Variants in CDKL5 observed in about 807,000 individuals in gnomAD.
CDKL5 encodes cyclin dependent kinase like 5, also known as cyclin-dependent kinase-like 5.
A neutral mutation model predicts 61.7 loss-of-function variants in CDKL5; 8 were observed. The observed-to-expected ratio is 0.13, with a 90% CI of 0.08 to 0.23. CDKL5 has a LOEUF of 0.23. Among genes scored for constraint, CDKL5 ranks in the 10% least tolerant of loss-of-function variants. The probability of loss-of-function intolerance (pLI) is 1.00; values close to 1 mark genes in which losing one functional copy is unlikely to be tolerated. For missense variants in CDKL5, 440 were observed against 734.5 expected, an observed-to-expected ratio of 0.60 and a Z score of 4.63; for synonymous variants, 275 against 272.3, an observed-to-expected ratio of 1.01 and a Z score of -0.10.
chrX:18,546,168 C>T (rs1436348134), intron 3 of CDKL5, among the ~76,000 whole-genome samples: 3 of 110,816 alleles, frequency 2.7e-5, no homozygotes, highest in Admixed American at 1.9e-4. Context: ...ACAGGTTATC[C>T]GTTTGAAAAC....
At chrX:18,597,001 T>C (rs1926016615) in intron 10 of CDKL5, among the ~76,000 whole-genome samples, 2 of 111,598 alleles carry the variant, frequency 1.8e-5, no homozygotes, top group African/African-American at 6.5e-5. Context: ...GCGCAAATTG[T>C]ATCTATATGT....
At chrX:18,589,229 T>C (rs1350194252) in intron 9 of CDKL5, 1 of 110,701 alleles carries the variant, frequency 9.0e-6, no homozygotes, top group African/African-American at 3.3e-5. Flanking sequence ...GCCATGTTGG[T>C]GTGCTGCACC....
chrX:18,608,042 A>G (rs888778456), intron 12 of CDKL5, among the ~76,000 whole-genome samples: 4 of 111,966 alleles, frequency 3.6e-5, no homozygotes, highest in African/African-American at 6.5e-5. Flanking sequence ...CCTTCTAATG[A>G]CTTGGTAATT....
chrX:18,593,574 C>T (rs1038051716), intron 9 of CDKL5, among the ~76,000 whole-genome samples: 2 of 111,367 alleles, frequency 1.8e-5, no homozygotes, highest in Non-Finnish European at 3.8e-5. Context: ...AGGAGAGGCA[C>T]CTAGGTTTAG....
At chrX:18,491,095 G>C (rs746104241) in intron 1 of CDKL5, among the ~76,000 whole-genome samples, 2 of 111,910 alleles carry the variant, frequency 1.8e-5, no homozygotes, top group Non-Finnish European at 3.8e-5. Context: ...GAAATATGCT[G>C]AAAGATAATC....
chrX:18,598,288 T>C (rs1388113879), intron 10 of CDKL5, among the ~76,000 whole-genome samples, 174 bp from the exon 11 acceptor site: 2 of 110,978 alleles, frequency 1.8e-5, no homozygotes. Flanking sequence ...AGGAAAATGA[T>C]GATGAGATTA....
Position 18,613,136 on chromosome X carries a change from C to T in CDKL5, c.2153-16C>T, listed in dbSNP as rs779913276. The stretch of plus-strand genomic sequence containing the variant: ...AAAAGAAAAGTCCATCAGTGACTTA[C>T]TTTTTCTTTATTCAGTGCCATCTCC... On this transcript the variant is annotated splice_polypyrimidine_tract_variant and intron_variant, in intron 14 of 17. Coordinates refer to ENST00000623535, the MANE Select transcript of CDKL5 (RefSeq NM_001323289.2). 1 of 738,032 alleles carries T rather than the reference C, an allele frequency of 1.4e-6. No homozygotes were observed. Among genetic ancestry groups the T allele is most frequent in the Non-Finnish European group, 2.0e-6 (1 of 500,694 alleles). 60.8% of individuals were successfully genotyped at this position (738,032 alleles called of 1,213,427 possible).
intron 1 of CDKL5, among the ~76,000 whole-genome samples, chrX:18,459,698 CTTTT>C (rs756249968): frequency 8.8e-4 from 47 of 53,556 alleles, no homozygotes; most frequent in African/African-American, 3.4e-3. Flanking sequence ...AGCTTTCTTT[CTTTT>C]TTTTTTTTTT....
Position 18,629,550 on chromosome X carries a change from A to G in CDKL5, c.*793A>G. ...TCTGCCATATTTTTATACATTTGTG[A>G]TATGAAGTGAGTATTATACTTCTAC... On this transcript the variant is annotated 3_prime_UTR_variant, in exon 18 of 18. Coordinates refer to ENST00000623535, the MANE Select transcript of CDKL5 (RefSeq NM_001323289.2). 1.4e-6 allele frequency: 1 copy of G among 724,064 alleles called. No homozygotes were observed. Among genetic ancestry groups the G allele is most frequent in the Non-Finnish European group, 1.6e-6 (1 of 612,016 alleles). 59.7% of individuals were successfully genotyped at this position (724,064 alleles called of 1,213,427 possible).
intron 11 of CDKL5, among the ~76,000 whole-genome samples, chrX:18,602,058 TGCAGGGAAGGA>T (rs1926195990): frequency 9.0e-6 from 1 of 111,489 alleles, no homozygotes; most frequent in Non-Finnish European, 1.9e-5. Context: ...TGCAGATGCC[TGCAGGGAAGGA>T]GCAGGGAAGA....
intron 1 of CDKL5, among the ~76,000 whole-genome samples, chrX:18,440,992 TAGAGGA>T (rs1931728420): frequency 9.0e-6 from 1 of 111,329 alleles, no homozygotes; most frequent in Non-Finnish European, 1.9e-5. Flanking sequence ...CCTTTTATGT[TAGAGGA>T]AGAGGGAAGA....
At chrX:18,483,811 A>T (rs1232999151) in intron 1 of CDKL5, among the ~76,000 whole-genome samples, 2 of 112,054 alleles carry the variant, frequency 1.8e-5, no homozygotes, top group African/African-American at 3.2e-5. Context: ...GTTAAAAAAA[A>T]TTTTTATGTT....
chrX:18,642,234 C>G (rs376670591), downstream of CDKL5: 116 of 1,068,071 alleles, frequency 1.1e-4, no homozygotes, highest in South Asian at 2.0e-3. Context: ...GGAGCTAGCC[C>G]CAACTTTTAA....
chrX:18,571,018 A>G (rs769498097), intron 4 of CDKL5, among the ~76,000 whole-genome samples: 1 of 111,596 alleles, frequency 9.0e-6, no homozygotes, highest in African/African-American at 3.3e-5. Flanking sequence ...GTAACTGATG[A>G]CAAGATGGGT....
intron 1 of CDKL5, 33 bp from the exon 2 acceptor site, chrX:18,506,902 C>A: frequency 2.4e-6 from 1 of 422,274 alleles, no homozygotes; most frequent in Non-Finnish European, 4.1e-6. Flanking sequence ...AAATATAAAA[C>A]TTACAGCTTT....
chrX:18,487,942 G>A (rs924838927), intron 1 of CDKL5, among the ~76,000 whole-genome samples: 1 of 111,084 alleles, frequency 9.0e-6, no homozygotes, highest in South Asian at 3.8e-4. Flanking sequence ...TCACTTCCTA[G>A]CTAGACCAAT....
chrX:18,472,955 ATT>A (rs747799624), intron 1 of CDKL5, among the ~76,000 whole-genome samples: 17 of 92,803 alleles, frequency 1.8e-4, no homozygotes, highest in Admixed American at 2.4e-4. Context: ...ATCTCTTCTA[ATT>A]TTTTTTTTTT....
intron 2 of CDKL5, among the ~76,000 whole-genome samples, chrX:18,510,612 G>C (rs1414179196): frequency 1.8e-5 from 2 of 112,369 alleles, no homozygotes; most frequent in Non-Finnish European, 1.9e-5. Flanking sequence ...AAAAATACTT[G>C]TTGGAAGAAA....
intron 3 of CDKL5, among the ~76,000 whole-genome samples, chrX:18,528,880 C>G (rs966766853): frequency 9.0e-6 from 1 of 111,312 alleles, no homozygotes; most frequent in Non-Finnish European, 1.9e-5. Flanking sequence ...AAGTGATCCT[C>G]CCACCTCAGC....
Sources: gnomAD v4.1 joint callset for allele counts (sites outside exome capture counted in the v4.1 genomes callset) on GRCh38, gnomAD v4.1.1 for gene constraint, MANE v1.5 for transcripts, NCBI Gene and HGNC (gene_info 2026-07-23, HGNC 2026-07-21) for gene names.